VIP: variants seen among roughly 807,000 people sequenced by gnomAD.
VIP encodes VIP peptides.
VIP carries 18 observed loss-of-function variants against 20.1 expected under a neutral mutation model. The ratio of observed to expected loss-of-function variants is 0.90; its 90% CI spans 0.62 to 1.33. The LOEUF (loss-of-function observed/expected upper bound fraction) is 1.33. Ranked by LOEUF, VIP falls within the 40% of genes most tolerant of loss-of-function variation. The pLI, the probability that VIP is intolerant of heterozygous loss-of-function variation, is 0.00. For missense variants in VIP, 209 were observed against 199.4 expected (o/e 1.05, Z -0.29); for synonymous variants, 70 against 68.1 (o/e 1.03, Z -0.14).
chr6:152,753,095 C>G lies in VIP; in HGVS notation c.107+811C>G, dbSNP rs183682259. 2.6e-5 allele frequency among the ~76,000 whole-genome samples: 4 copies of G among 152,222 alleles called. No homozygotes were observed. In the East Asian group the frequency reaches 7.7e-4, roughly 29 times the overall value. ...TTCTTGATTTTTTGCTTAAGGTAGA[C>G]TTATGCTCAACAGAGAGAATAACCT... On this transcript the variant is annotated intron_variant, in intron 2 of 6. Transcript: ENST00000367244.
In VIP at chr6:152,756,168, C is replaced by A. The variant is rs772117174; in HGVS notation, c.370C>A (p.Arg124Ser). Residue 124 changes from arginine to serine, a missense_variant, in exon 5 of 7, where the codon CGT becomes AGT. By Grantham distance (110) the Arg-to-Ser change is moderately radical (BLOSUM62 -1). Transcript: ENST00000367244. ...CTCAGAAGACCCTGTACCAGTCAAACGTCACTCAGATGCAGTCTTCACTGA... is the reference window on the plus strand; with the variant it reads ...CTCAGAAGACCCTGTACCAGTCAAAAGTCACTCAGATGCAGTCTTCACTGA... Reference protein sequence around the residue: ...NISEDPVPVKRHSDAVFTDNY... With the variant: ...NISEDPVPVKSHSDAVFTDNY... 1 of 1,611,134 alleles carries A rather than the reference C, an allele frequency of 6.2e-7. No individual in the cohort carries two copies. The highest frequency in any genetic ancestry group is 1.1e-5 in the South Asian group (1 of 90,700).
chr6:152,755,029 C>T (rs1185832429), intron 3 of VIP, among the ~76,000 whole-genome samples: 1 of 151,764 alleles, frequency 6.6e-6, no homozygotes, highest in Admixed American at 6.6e-5. Context: ...GAAATGTGCT[C>T]CTAGAAATGC....
At position 152,750,927 on chromosome 6, in the gene VIP, A is replaced by G. The variant is rs1389375876; in HGVS notation, c.-43A>G. On this transcript the variant is annotated 5_prime_UTR_variant, in exon 1 of 7. Transcript: ENST00000367244. ...TAAGACAGCTCCAAAACAAACCAGA[A>G]CAGTCAGCTCCGGGGGAGCACGACT... 6.6e-6 allele frequency: 1 copy of G among 152,134 alleles called. No individual in the cohort carries two copies. 9.4% of individuals were successfully genotyped at this position (152,134 alleles called of 1,614,324 possible).
At chr6:152,751,296 A>G (rs931394368) in intron 1 of VIP, among the ~76,000 whole-genome samples, 1 of 152,134 alleles carries the variant, frequency 6.6e-6, no homozygotes, top group Non-Finnish European at 1.5e-5. Context: ...TGAAATTTTC[A>G]ACTTATTTTT....
In VIP at chr6:152,757,083, T is replaced by A; in HGVS notation, c.468-13T>A. 1 of 1,611,584 alleles carries A rather than the reference T, an allele frequency of 6.2e-7. No homozygotes were observed. The highest frequency in any genetic ancestry group is 8.5e-7 in the Non-Finnish European group (1 of 1,178,500). On this transcript the variant is annotated splice_polypyrimidine_tract_variant and intron_variant, in intron 5 of 6. Transcript: ENST00000367244. Reference sequence around the variant, plus strand: ...GAGAGCCTTAATATGTACAATGTTTTTCTGGTCTGCAGCAGTGAGGGAGAA... The same window carrying A: ...GAGAGCCTTAATATGTACAATGTTTATCTGGTCTGCAGCAGTGAGGGAGAA...
intron 1 of VIP, among the ~76,000 whole-genome samples, chr6:152,751,535 A>G (rs1285623685): frequency 6.6e-6 from 1 of 152,156 alleles, no homozygotes; most frequent in South Asian, 2.1e-4. Context: ...ATTTATTTCA[A>G]TGACAACATA....
At chr6:152,755,207 C>A in intron 3 of VIP, 62 bp from the exon 4 acceptor site, 4 of 1,088,104 alleles carry the variant, frequency 3.7e-6, no homozygotes, top group South Asian at 1.7e-5. Context: ...TTTAATAAGC[C>A]ATAATAATAT....
At chr6:152,751,458 G>A (rs935164852) in intron 1 of VIP, among the ~76,000 whole-genome samples, 2 of 152,050 alleles carry the variant, frequency 1.3e-5, no homozygotes, top group African/African-American at 2.4e-5. Flanking sequence ...GAAATGAAAT[G>A]TGTAAGTTGA....
intron 1 of VIP, among the ~76,000 whole-genome samples, chr6:152,751,828 G>T (rs560906778): frequency 2.0e-5 from 3 of 151,942 alleles, no homozygotes; most frequent in African/African-American, 7.2e-5. Context: ...TGTTTCCTTC[G>T]TCAAAAAATA....
chr6:152,757,093 C>T lies in VIP; in HGVS notation c.468-3C>T, dbSNP rs2099730535. The stretch of plus-strand genomic sequence containing the variant: ...ATATGTACAATGTTTTTCTGGTCTG[C>T]AGCAGTGAGGGAGAATCTCCCGACT... On this transcript the variant is annotated splice_region_variant and splice_polypyrimidine_tract_variant and intron_variant, in intron 5 of 6. Transcript: ENST00000367244. The T allele has an allele frequency of 6.2e-7, 1 of 1,611,626 alleles. No homozygotes were observed.
intron 2 of VIP, among the ~76,000 whole-genome samples, chr6:152,753,456 A>G (rs1452991566): frequency 6.6e-6 from 1 of 152,100 alleles, no homozygotes; most frequent in Non-Finnish European, 1.5e-5. Flanking sequence ...TATTCCATAT[A>G]TGCATTTGAC....
chr6:152,756,858 G>C (rs966297716), intron 5 of VIP, among the ~76,000 whole-genome samples: 2 of 151,620 alleles, frequency 1.3e-5, no homozygotes, highest in Non-Finnish European at 2.9e-5. Context: ...TTCTGTTTGG[G>C]TGTGATCAGA....
At chr6:152,753,224 T>C (rs544952419) in intron 2 of VIP, among the ~76,000 whole-genome samples, 37 of 152,240 alleles carry the variant, frequency 2.4e-4, no homozygotes, top group African/African-American at 8.7e-4. Context: ...CCACAGCAGA[T>C]GAACAATCAC....
At chr6:152,755,927 C>T (rs550286499) in intron 4 of VIP, among the ~76,000 whole-genome samples, 1 of 151,866 alleles carries the variant, frequency 6.6e-6, no homozygotes, top group African/African-American at 2.4e-5. Context: ...TGTCATAAAA[C>T]AGTCCCAGGC....
At chr6:152,751,525 A>G (rs1351774037) in intron 1 of VIP, among the ~76,000 whole-genome samples, 2 of 152,080 alleles carry the variant, frequency 1.3e-5, no homozygotes, top group Non-Finnish European at 2.9e-5. Flanking sequence ...TTATGGAAAA[A>G]TTTATTTCAA....
rs1441018761 is a variant in VIP, at chr6:152,758,999, T to C, written c.*133T>C. On this transcript the variant is annotated 3_prime_UTR_variant, in exon 7 of 7. Coordinates refer to ENST00000367244, the MANE Select transcript of VIP (RefSeq NM_003381.4). ...AAACAACTTCAATATCCAAACCAAA[T>C]AAAAATATTGTGTTGTGAATGTTGT... is the stretch of plus-strand genomic sequence containing the variant. 1 of 152,430 alleles carries C rather than the reference T, an allele frequency of 6.6e-6. No homozygotes were observed. The highest frequency in any genetic ancestry group is 6.6e-5 in the Admixed American group (1 of 15,220). The allele number at this position is 152,430 out of a possible 1,614,324, so 9.4% of individuals were successfully genotyped here. A position where few individuals can be genotyped will look rare whatever the true frequency, so the allele number is the denominator to read the frequency against.
At chr6:152,755,009 G>C (rs1206393138) in intron 3 of VIP, among the ~76,000 whole-genome samples, 3 of 151,854 alleles carry the variant, frequency 2.0e-5, no homozygotes, top group African/African-American at 7.2e-5. Flanking sequence ...TTCAACCATG[G>C]AGGAATATTG....
intron 6 of VIP, among the ~76,000 whole-genome samples, chr6:152,758,481 G>T (rs192444701): frequency 5.9e-5 from 9 of 152,112 alleles, no homozygotes; most frequent in East Asian, 3.9e-4. Context: ...TTATAAGAAG[G>T]CTTCTCCATC....
intron 2 of VIP, among the ~76,000 whole-genome samples, chr6:152,753,845 TG>T (rs2099730013): frequency 6.6e-6 from 1 of 152,084 alleles, no homozygotes; most frequent in African/African-American, 2.4e-5. Flanking sequence ...CTTTGCAAAG[TG>T]AAGATATTCT....
Sources: allele counts gnomAD v4.1 joint callset (sites outside exome capture counted in the v4.1 genomes callset), GRCh38; gene constraint gnomAD v4.1.1; transcripts MANE v1.5; gene names NCBI Gene and HGNC (gene_info 2026-07-23, HGNC 2026-07-21).